Variants in SEMA5A observed in about 807,000 individuals in gnomAD.
SEMA5A encodes semaphorin-5A.
SEMA5A carries 55 observed loss-of-function variants against 135.5 expected under a neutral mutation model. The observed-to-expected ratio is 0.41, with a 90% CI of 0.33 to 0.51. The LOEUF (loss-of-function observed/expected upper bound fraction) is 0.51, where lower values mean the gene tolerates loss of function less well. SEMA5A is among the 20% of genes least tolerant of loss of function. SEMA5A has a pLI of 0.37. For synonymous variants in SEMA5A, 580 were observed against 546.5 expected, an observed-to-expected ratio of 1.06 and a Z score of -0.85; for missense variants, 1,290 against 1,419.9, an observed-to-expected ratio of 0.91 and a Z score of 1.47.
intron 2 of SEMA5A, chr5:9,390,921 C>A (rs182726180): frequency 6.6e-6 from 1 of 152,172 alleles, no homozygotes; most frequent in Non-Finnish European, 1.5e-5. Context: ...GTTCTCATTC[C>A]TTTGCCATTT....
At chr5:9,509,386 T>G (rs1014152430) in intron 1 of SEMA5A, among the ~76,000 whole-genome samples, 4 of 152,126 alleles carry the variant, frequency 2.6e-5, no homozygotes, top group Non-Finnish European at 5.9e-5. Flanking sequence ...GTGATTCGCC[T>G]GTCTCAGCCT....
chr5:9,332,013 T>C (rs2150704799), intron 4 of SEMA5A, among the ~76,000 whole-genome samples: 1 of 152,352 alleles, frequency 6.6e-6, no homozygotes, highest in East Asian at 1.9e-4. Flanking sequence ...TAGTGCAAGG[T>C]ATTCAGGCAG....
At chr5:9,470,903 T>C (rs956541416) in intron 1 of SEMA5A, among the ~76,000 whole-genome samples, 2 of 152,180 alleles carry the variant, frequency 1.3e-5, no homozygotes, top group African/African-American at 4.8e-5. Context: ...TAGAAACTGA[T>C]GCAGATTTTA....
chr5:9,335,972 C>T (rs1305829613), intron 4 of SEMA5A, among the ~76,000 whole-genome samples: 1 of 151,696 alleles, frequency 6.6e-6, no homozygotes, highest in Non-Finnish European at 1.5e-5. Flanking sequence ...AGAAATAATG[C>T]AATATTGTAC....
chr5:9,250,192 T>C (rs1748699841), intron 5 of SEMA5A, among the ~76,000 whole-genome samples: 1 of 152,090 alleles, frequency 6.6e-6, no homozygotes, highest in Admixed American at 6.6e-5. Flanking sequence ...GAACCTGAAA[T>C]TAGCAGGGAC....
intron 1 of SEMA5A, among the ~76,000 whole-genome samples, chr5:9,481,038 C>G (rs867873862): frequency 6.6e-6 from 1 of 152,052 alleles, no homozygotes; most frequent in South Asian, 2.1e-4. Flanking sequence ...CTCTGCCACC[C>G]AAGTTCAAGC....
At chr5:9,135,337 C>G (rs375528467) in intron 13 of SEMA5A, among the ~76,000 whole-genome samples, 3 of 152,038 alleles carry the variant, frequency 2.0e-5, no homozygotes, top group East Asian at 3.9e-4. Context: ...CCCGCCACCA[C>G]GCCTGGCTAA....
At chr5:9,178,084 A>C (rs906752075) in intron 11 of SEMA5A, among the ~76,000 whole-genome samples, 2 of 152,186 alleles carry the variant, frequency 1.3e-5, no homozygotes, top group South Asian at 4.1e-4. Flanking sequence ...CCTCAAAAAA[A>C]ATTTAGTTGG....
chr5:9,089,165 C>T (rs1439792417), intron 16 of SEMA5A, among the ~76,000 whole-genome samples: 7 of 152,164 alleles, frequency 4.6e-5, no homozygotes, highest in Non-Finnish European at 7.3e-5. Context: ...TGGACACTTG[C>T]TATTTATCAC....
At chr5:9,197,432 T>C (rs1745456409) in intron 9 of SEMA5A, 129 bp from the exon 10 acceptor site, 1 of 1,133,810 alleles carries the variant, frequency 8.8e-7, no homozygotes, top group African/African-American at 1.6e-5. Context: ...CTCTTAAAGA[T>C]CCCAAAAGGA....
chr5:9,542,137 A>G (rs1293366868), intron 1 of SEMA5A, among the ~76,000 whole-genome samples: 3 of 152,202 alleles, frequency 2.0e-5, no homozygotes, highest in African/African-American at 7.2e-5. Flanking sequence ...ATTCATCTGA[A>G]AAATATGCTA....
rs117967984 is a variant in SEMA5A at position 9,205,494 on chromosome 5, A to G, written c.647-3254T>C. On this transcript the variant is annotated intron_variant, in intron 8 of 22. Coordinates refer to ENST00000382496, the MANE Select transcript of SEMA5A (RefSeq NM_003966.3). ...TCATTCTGTACCCTGTGTCTGTTCC[A>G]GCAAACCACATCCACTTTTGCAGAC... is the stretch of plus-strand genomic sequence containing the variant. Among the ~76,000 whole-genome samples the G allele has an allele frequency of 4.3e-4, 66 of 152,260 alleles. 1 individual carries two copies. In the East Asian group the frequency reaches 0.013, roughly 29 times the overall value.
intron 2 of SEMA5A, among the ~76,000 whole-genome samples, chr5:9,436,194 A>T (rs1384660478): frequency 2.6e-5 from 4 of 152,206 alleles, no homozygotes; most frequent in Non-Finnish European, 5.9e-5. Context: ...AGGGCCTGAC[A>T]CACAATGAGG....
chr5:9,172,664 T>G (rs1315610931), intron 11 of SEMA5A, among the ~76,000 whole-genome samples: 1 of 152,196 alleles, frequency 6.6e-6, no homozygotes, highest in Non-Finnish European at 1.5e-5. Context: ...AGAAATCAAA[T>G]TCTACCTGGC....
intron 1 of SEMA5A, among the ~76,000 whole-genome samples, chr5:9,502,586 C>T (rs1404169027): frequency 6.6e-6 from 1 of 152,188 alleles, no homozygotes; most frequent in Non-Finnish European, 1.5e-5. Flanking sequence ...CATGGGCTTC[C>T]TCAAGTGTCA....
intron 2 of SEMA5A, among the ~76,000 whole-genome samples, chr5:9,429,707 A>G (rs139308711): frequency 6.6e-6 from 1 of 152,338 alleles, no homozygotes; most frequent in African/African-American, 2.4e-5. Flanking sequence ...CAGGCACAGA[A>G]AGGAGTCAGA....
At chr5:9,318,599 C>A (rs934978788) in intron 4 of SEMA5A, among the ~76,000 whole-genome samples, 182 bp from the exon 5 acceptor site, 2 of 152,158 alleles carry the variant, frequency 1.3e-5, no homozygotes, top group Non-Finnish European at 2.9e-5. Context: ...AAGAGGTCAA[C>A]AAATACACAT....
intron 3 of SEMA5A, among the ~76,000 whole-genome samples, chr5:9,360,030 A>T (rs1754622653): frequency 6.6e-6 from 1 of 152,236 alleles, no homozygotes; most frequent in Admixed American, 6.5e-5. Flanking sequence ...TTAGTTTTTA[A>T]ATTCAAGATA....
intron 15 of SEMA5A, among the ~76,000 whole-genome samples, chr5:9,117,819 T>C (rs1318061273): frequency 6.6e-6 from 1 of 152,218 alleles, no homozygotes; most frequent in Non-Finnish European, 1.5e-5. Context: ...TCTTCCATAA[T>C]AGGCTTTCCC....
Sources: allele counts gnomAD v4.1 joint callset (sites outside exome capture counted in the v4.1 genomes callset), GRCh38; gene constraint gnomAD v4.1.1; transcripts MANE v1.5; gene names NCBI Gene and HGNC (gene_info 2026-07-23, HGNC 2026-07-21).